The following HSD17B4 variants were observed in gnomAD, a reference collection of about 807,000 sequenced individuals.
The protein encoded by HSD17B4 is peroxisomal multifunctional enzyme type 2.
In HSD17B4, 70 loss-of-function variants were observed where a neutral mutation model predicts 101.0. The observed-to-expected ratio is 0.69, with a 90% confidence interval of 0.57 to 0.85. The LOEUF (loss-of-function observed/expected upper bound fraction) is 0.85, where lower values mean the gene tolerates loss of function less well. Ranked by LOEUF, HSD17B4 falls within the 40% of genes least tolerant of loss-of-function variation. The pLI, the probability that HSD17B4 is intolerant of heterozygous loss-of-function variation, is 0.00. For synonymous variants in HSD17B4, 347 were observed against 297.1 expected (o/e 1.17, Z -1.73); for missense variants, 984 against 892.4 (o/e 1.10, Z -1.31).
chr5:119,464,594 T>C (rs1240694518), intron 2 of HSD17B4: 4 of 151,350 alleles, frequency 2.6e-5, no homozygotes, highest in Non-Finnish European at 5.9e-5. Flanking sequence ...AGCTATAGCT[T>C]TTTTTTTTCT....
rs181310520 is a variant in HSD17B4, at chr5:119,542,077, T to G, written c.*83T>G. The stretch of plus-strand genomic sequence containing the variant: ...ATGCTTGATTATTCTGCAAAAGTGA[T>G]TAGAACTAAGATGCAGGGGAAATTG... On this transcript the variant is annotated 3_prime_UTR_variant, in exon 24 of 24. Coordinates refer to ENST00000510025, the MANE Select transcript of HSD17B4 (RefSeq NM_000414.4). The G allele has an allele frequency of 1.8e-3, 1,686 of 923,956 alleles. No homozygotes were observed. The highest frequency in any genetic ancestry group is 4.2e-3 in the Admixed American group (227 of 53,474). The allele number at this position is 923,956 out of a possible 1,614,324, so 57.2% of individuals were successfully genotyped here. A position where few individuals can be genotyped will look rare whatever the true frequency, so the allele number is the denominator to read the frequency against.
In HSD17B4 at chr5:119,499,459, C is replaced by T. The variant is rs1198548214; in HGVS notation, c.1115C>T (p.Ser372Phe). 1.9e-5 allele frequency: 30 copies of T among 1,613,826 alleles called. No homozygotes were observed. Among genetic ancestry groups the T allele is most frequent in the East Asian group, 6.7e-5 (3 of 44,854 alleles). ...ATTTATGAAGGAAGTTCTGATTTCT[C>T]CTGTTTGCCCACCTTCGGAGTTATC... ...KFIYEGSSDF[S>F]CLPTFGVIIG... Residue 372 changes from serine (S) to phenylalanine (F), a missense_variant, in exon 13 of 24, where the codon TCC (serine) becomes TTC (phenylalanine). Physicochemically the swap from Ser to Phe is radical, Grantham distance 155 (BLOSUM62 -2). Coordinates refer to ENST00000510025, the MANE Select transcript of HSD17B4 (RefSeq NM_000414.4).
intron 21 of HSD17B4, 92 bp from the exon 22 acceptor site, chr5:119,531,174 A>T: frequency 7.4e-7 from 1 of 1,351,776 alleles, no homozygotes; most frequent in South Asian, 1.2e-5. Context: ...CAGAGTTTTA[A>T]AAAATCTTTT....
chr5:119,525,626 G>T, intron 18 of HSD17B4: 1 of 520,452 alleles, frequency 1.9e-6, no homozygotes, highest in Non-Finnish European at 3.4e-6. Context: ...TGTGGATGTT[G>T]AGAGTACCCT....
chr5:119,489,352 A>T (rs1749892326), intron 9 of HSD17B4, 69 bp downstream of exon 9: 1 of 936,222 alleles, frequency 1.1e-6, no homozygotes. Context: ...AATCTGTACC[A>T]GTGGACATCA....
At chr5:119,522,095 C>G (rs1295664433) in intron 17 of HSD17B4, among the ~76,000 whole-genome samples, 1 of 151,990 alleles carries the variant, frequency 6.6e-6, no homozygotes, top group East Asian at 1.9e-4. Context: ...CCTCCCCCAC[C>G]CCACAACAGG....
At chr5:119,491,087 A>T (rs563665135) in intron 9 of HSD17B4, among the ~76,000 whole-genome samples, 80 of 152,278 alleles carry the variant, frequency 5.3e-4, no homozygotes, top group African/African-American at 1.7e-3. Context: ...AGATATCTAG[A>T]GTGGCAGATA....
chr5:119,464,327 T>C (rs1312790006), intron 2 of HSD17B4, among the ~76,000 whole-genome samples: 3 of 152,154 alleles, frequency 2.0e-5, no homozygotes, highest in Non-Finnish European at 4.4e-5. Flanking sequence ...TCAGGTCTTA[T>C]GTTTAGGTTT....
intron 7 of HSD17B4, chr5:119,477,942 A>T (rs1748746156): frequency 5.5e-6 from 1 of 181,468 alleles, no homozygotes; most frequent in Non-Finnish European, 1.2e-5. Context: ...TGGTAGAGAC[A>T]GTATCTCGTT....
intron 8 of HSD17B4, among the ~76,000 whole-genome samples, chr5:119,481,421 T>A (rs1480539676): frequency 1.3e-5 from 2 of 152,180 alleles, no homozygotes; most frequent in African/African-American, 4.8e-5. Context: ...TACAGAATTC[T>A]CTGTTGGTGG....
chr5:119,523,183 G>T, intron 17 of HSD17B4, among the ~76,000 whole-genome samples: 1 of 151,770 alleles, frequency 6.6e-6, no homozygotes, highest in South Asian at 2.1e-4. Context: ...CTAGTTTCCT[G>T]AGCCTATTTA....
chr5:119,523,974 A>G (rs552173897), intron 17 of HSD17B4, among the ~76,000 whole-genome samples: 10 of 152,228 alleles, frequency 6.6e-5, no homozygotes, highest in Middle Eastern at 6.8e-3. Context: ...TTCCTGTCAC[A>G]ATTTCAGGCC....
chr5:119,517,163 T>G (rs1752691964), intron 17 of HSD17B4, among the ~76,000 whole-genome samples: 1 of 152,194 alleles, frequency 6.6e-6, no homozygotes, highest in Non-Finnish European at 1.5e-5. Context: ...GCTTGAGTTC[T>G]GGGTGGGCGT....
chr5:119,484,975 G>A (rs1164395962), intron 8 of HSD17B4, among the ~76,000 whole-genome samples: 2 of 152,096 alleles, frequency 1.3e-5, no homozygotes, highest in African/African-American at 4.8e-5. Flanking sequence ...TTTGTTTCAA[G>A]TATGATACTA....
chr5:119,517,949 G>A (rs369413524), intron 17 of HSD17B4, among the ~76,000 whole-genome samples: 3 of 152,164 alleles, frequency 2.0e-5, no homozygotes, highest in East Asian at 1.9e-4. Context: ...TGATGGGGAC[G>A]TGGAGAACCT....
At chr5:119,456,672 A>C in intron 2 of HSD17B4, 1 of 416,038 alleles carries the variant, frequency 2.4e-6, no homozygotes, top group East Asian at 5.2e-5. Context: ...GCTTGAGACC[A>C]GGAGTTCGAG....
chr5:119,481,194 T>C (rs1353666917), intron 8 of HSD17B4, among the ~76,000 whole-genome samples: 1 of 152,174 alleles, frequency 6.6e-6, no homozygotes, highest in African/African-American at 2.4e-5. Flanking sequence ...CCATGAAATC[T>C]TTACAATTTA....
chr5:119,456,553 G>T (rs1349835756), intron 2 of HSD17B4, 185 bp downstream of exon 2: 1 of 596,310 alleles, frequency 1.7e-6, no homozygotes, highest in East Asian at 2.9e-5. Flanking sequence ...AAGGGAACCA[G>T]TTTCACAGAA....
At chr5:119,455,568 C>CTCTCTCTATA (rs35030315) in intron 1 of HSD17B4, among the ~76,000 whole-genome samples, 40 of 136,486 alleles carry the variant, frequency 2.9e-4, no homozygotes, top group African/African-American at 1.0e-3. Flanking sequence ...CTCTCTCTCT[C>CTCTCTCTATA]TATATATATA....
Sources: gnomAD v4.1 joint callset for allele counts (sites outside exome capture counted in the v4.1 genomes callset) on GRCh38, gnomAD v4.1.1 for gene constraint, MANE v1.5 for transcripts, NCBI Gene and HGNC (gene_info 2026-07-23, HGNC 2026-07-21) for gene names.